FRMD4A: variants seen among roughly 807,000 people sequenced by gnomAD.
FRMD4A encodes FERM domain-containing protein 4A.
A neutral mutation model predicts 129.1 loss-of-function variants in FRMD4A; 29 were observed. That is an observed-to-expected ratio of 0.22 (90% CI 0.17 to 0.31). FRMD4A has a LOEUF of 0.31. FRMD4A is among the 10% of genes least tolerant of loss of function. The probability of loss-of-function intolerance (pLI) is 1.00; values close to 1 mark genes in which losing one functional copy is unlikely to be tolerated. For missense variants in FRMD4A, 1,272 were observed against 1,375.8 expected (o/e 0.92, Z 1.19); for synonymous variants, 634 against 571.6 (o/e 1.11, Z -1.56).
At chr10:14,123,348 C>T (rs1307837273) in intron 2 of FRMD4A, among the ~76,000 whole-genome samples, 1 of 152,214 alleles carries the variant, frequency 6.6e-6, no homozygotes, top group African/African-American at 2.4e-5. Context: ...AGTATTCCTT[C>T]ATGCCAGCAT....
intron 2 of FRMD4A, among the ~76,000 whole-genome samples, chr10:14,003,047 T>C (rs1588731124): frequency 6.6e-6 from 1 of 152,010 alleles, no homozygotes; most frequent in Admixed American, 6.6e-5. Context: ...CACTTAAGGG[T>C]TTCAGTAGAC....
chr10:14,057,315 AC>A lies in FRMD4A; in HGVS notation c.46-198404del, dbSNP rs202136768. On this transcript the variant is annotated intron_variant, in intron 2 of 24. Coordinates refer to ENST00000357447, the MANE Select transcript of FRMD4A (RefSeq NM_018027.5). The stretch of plus-strand genomic sequence containing the variant: ...ATTCAAGAAAAGCAATAAAAGAGAG[AC>A]TTCCCCCCCATTCAGCATAAGCTGA... 2.0e-3 allele frequency among the ~76,000 whole-genome samples: 311 copies of A among 152,244 alleles called. 1 individual carries two copies. Among genetic ancestry groups the A allele is most frequent in the African/African-American group, 7.1e-3 (296 of 41,550 alleles).
At chr10:13,752,215 T>G (rs1171620653) in intron 8 of FRMD4A, among the ~76,000 whole-genome samples, 1 of 152,242 alleles carries the variant, frequency 6.6e-6, no homozygotes, top group Middle Eastern at 3.2e-3. Context: ...GTGGTGTTTT[T>G]TTCTTTGAGA....
At chr10:14,064,834 T>A (rs528459621) in intron 2 of FRMD4A, among the ~76,000 whole-genome samples, 12 of 152,096 alleles carry the variant, frequency 7.9e-5, no homozygotes, top group Non-Finnish European at 1.8e-4. Flanking sequence ...TGCTTTGACC[T>A]CCCAAAGTGC....
chr10:13,830,728 T>G (rs2093776600), intron 3 of FRMD4A, among the ~76,000 whole-genome samples: 1 of 152,210 alleles, frequency 6.6e-6, no homozygotes, highest in Non-Finnish European at 1.5e-5. Flanking sequence ...ATGTTCATGT[T>G]CCATGTCACG....
At chr10:14,088,695 G>T (rs1221298199) in intron 2 of FRMD4A, among the ~76,000 whole-genome samples, 2 of 146,564 alleles carry the variant, frequency 1.4e-5, no homozygotes, top group African/African-American at 5.1e-5. Context: ...ATGAACCTGG[G>T]AGCTTGCATG....
intron 2 of FRMD4A, among the ~76,000 whole-genome samples, chr10:13,955,605 T>A (rs984866909): frequency 6.6e-6 from 1 of 152,188 alleles, no homozygotes; most frequent in Non-Finnish European, 1.5e-5. Context: ...AAACCAACCC[T>A]TGAAGTCTGG....
chr10:14,171,509 C>A (rs1841474949), intron 2 of FRMD4A, among the ~76,000 whole-genome samples: 1 of 152,196 alleles, frequency 6.6e-6, no homozygotes. Flanking sequence ...GTGTGGCCGC[C>A]CACCCAGGAG....
intron 2 of FRMD4A, among the ~76,000 whole-genome samples, chr10:13,908,688 C>T (rs1435267338): frequency 6.6e-6 from 1 of 152,190 alleles, no homozygotes; most frequent in Non-Finnish European, 1.5e-5. Context: ...AGCTCCTCTT[C>T]CGGGAATTCA....
chr10:14,296,408 C>T (rs1163603844), intron 2 of FRMD4A, among the ~76,000 whole-genome samples: 4 of 152,148 alleles, frequency 2.6e-5, no homozygotes, highest in Non-Finnish European at 5.9e-5. Flanking sequence ...GAACAGCCCT[C>T]CTGCCCTTGC....
chr10:13,949,301 C>A (rs1003443615), intron 2 of FRMD4A, among the ~76,000 whole-genome samples: 1,512 of 98,598 alleles, frequency 0.015, 1 homozygote, highest in Non-Finnish European at 0.017. Flanking sequence ...TTCTAGTGAT[C>A]AAAAAAAAAA....
chr10:14,205,241 G>C (rs1336299095), intron 2 of FRMD4A, among the ~76,000 whole-genome samples: 2 of 152,052 alleles, frequency 1.3e-5, no homozygotes, highest in African/African-American at 4.8e-5. Flanking sequence ...TAACTACTTA[G>C]GGTACTAGCC....
chr10:13,755,815 A>G (rs1357576693), intron 8 of FRMD4A, among the ~76,000 whole-genome samples: 1 of 152,210 alleles, frequency 6.6e-6, no homozygotes, highest in Non-Finnish European at 1.5e-5. Context: ...CTGGCATTTC[A>G]TCTTGTAGAG....
chr10:13,829,083 A>G (rs965250923), intron 3 of FRMD4A, among the ~76,000 whole-genome samples: 13 of 152,206 alleles, frequency 8.5e-5, no homozygotes, highest in African/African-American at 3.1e-4. Flanking sequence ...CCAACAGTGT[A>G]TAAGCATTCC....
At chr10:13,862,227 G>C (rs1046589955) in intron 2 of FRMD4A, among the ~76,000 whole-genome samples, 2 of 152,150 alleles carry the variant, frequency 1.3e-5, no homozygotes, top group Non-Finnish European at 2.9e-5. Flanking sequence ...AAAAGGTTAA[G>C]GGTATAAACA....
intron 2 of FRMD4A, among the ~76,000 whole-genome samples, chr10:14,096,022 C>T (rs540612645): frequency 3.9e-4 from 60 of 152,298 alleles, no homozygotes; most frequent in African/African-American, 1.4e-3. Context: ...CCCTCGCCAT[C>T]CTGTTCTTGG....
intron 2 of FRMD4A, among the ~76,000 whole-genome samples, chr10:14,089,644 C>CAAAAAAAAAAAAAAA (rs72412046): frequency 7.6e-6 from 1 of 131,902 alleles, no homozygotes; most frequent in African/African-American, 2.9e-5. Context: ...AAAAAACAAA[C>CAAAAAAAAAAAAAAA]AAAAAAAAAA....
intron 2 of FRMD4A, among the ~76,000 whole-genome samples, chr10:14,256,733 A>G (rs886217956): frequency 3.9e-5 from 6 of 152,192 alleles, no homozygotes; most frequent in African/African-American, 1.4e-4. Context: ...CTATAATCCC[A>G]ACACTTTGTG....
chr10:13,861,540 G>C (rs2094294949), intron 2 of FRMD4A, among the ~76,000 whole-genome samples: 1 of 152,090 alleles, frequency 6.6e-6, no homozygotes, highest in Admixed American at 6.6e-5. Flanking sequence ...ATCAAGAAAA[G>C]TTTCACATAC....
Sources: allele counts gnomAD v4.1 joint callset (sites outside exome capture counted in the v4.1 genomes callset), GRCh38; gene constraint gnomAD v4.1.1; transcripts MANE v1.5; gene names NCBI Gene and HGNC (gene_info 2026-07-23, HGNC 2026-07-21).